Variants in RORC observed in about 807,000 individuals in gnomAD.
The protein encoded by RORC is nuclear receptor ROR-gamma.
A neutral mutation model predicts 64.5 loss-of-function variants in RORC; 13 were observed. The ratio of observed to expected loss-of-function variants is 0.20; its 90% confidence interval spans 0.13 to 0.32. The LOEUF (loss-of-function observed/expected upper bound fraction) is 0.32. Ranked by LOEUF, RORC falls within the 10% of genes least tolerant of loss-of-function variation. The pLI is 1.00. For synonymous variants in RORC, 277 were observed against 259.3 expected (o/e 1.07, Z -0.65); for missense variants, 468 against 669.5 (o/e 0.70, Z 3.32).
Position 151,807,362 on chromosome 1 carries a change from TG to T in RORC, c.*109del. ...CATCTGCTCACTTCCAAAGAGCTGG[TG>T]GGGACCACCCTCCAGGGTTCATGGG... On this transcript the variant is annotated 3_prime_UTR_variant, in exon 11 of 11. Transcript: ENST00000318247. This position sits in a 1 kb window ranked among gnomAD's most constrained non-coding sequence, Gnocchi z 5.0. The T allele has an allele frequency of 3.5e-6, 4 of 1,132,890 alleles. No individual in the cohort carries two copies. Among genetic ancestry groups the T allele is most frequent in the Non-Finnish European group, 5.0e-6 (4 of 801,920 alleles). 70.2% of individuals were successfully genotyped at this position (1,132,890 alleles called of 1,614,324 possible).
intron 1 of RORC, chr1:151,831,164 A>C: frequency 8.1e-7 from 1 of 1,239,748 alleles, no homozygotes; most frequent in Non-Finnish European, 1.0e-6. Flanking sequence ...TCCCTGGGTG[A>C]GTGGCGAGGA....
In RORC at chr1:151,829,429, A is replaced by T; in HGVS notation, c.70T>A (p.Ser24Thr). Residue 24 changes from serine to threonine, a missense_variant and splice_region_variant, in exon 2 of 11, where the codon TCA becomes ACA. Around this residue, in one of 5 missense-constraint regions of RORC, gnomAD observed 13 missense variants for 46.0 expected, o/e 0.28. Transcript: ENST00000318247. ...TTCTTGCCCCGGACCCCCTACTCAC[A>T]GGTGTGGGTCTTCTTTGCAGCCAGC... ...ELLAAKKTHT[S>T]QIEVIPCKIC... 6.5e-7 allele frequency: 1 copy of T among 1,535,296 alleles called. No individual in the cohort carries two copies. The highest frequency in any genetic ancestry group is 8.7e-7 in the Non-Finnish European group (1 of 1,149,106).
intron 2 of RORC, among the ~76,000 whole-genome samples, chr1:151,822,566 C>T (rs556428822): frequency 1.6e-4 from 24 of 152,302 alleles, no homozygotes; most frequent in Non-Finnish European, 2.9e-4. Context: ...TGGAGAAAGG[C>T]GAGTGAAAAC....
chr1:151,818,337 T>C (rs2101663886), intron 2 of RORC, among the ~76,000 whole-genome samples: 1 of 152,312 alleles, frequency 6.6e-6, no homozygotes, highest in South Asian at 2.1e-4. Flanking sequence ...CGTCCACACG[T>C]GCATATTTGT....
intron 5 of RORC, 27 bp downstream of exon 5, chr1:151,814,886 A>G (rs1651695167): frequency 1.2e-6 from 2 of 1,600,888 alleles, no homozygotes; most frequent in Admixed American, 1.7e-5. Flanking sequence ...CATCTCTACC[A>G]CCCTCTCCAC....
intron 2 of RORC, among the ~76,000 whole-genome samples, chr1:151,822,344 C>T (rs952755352): frequency 6.6e-6 from 1 of 152,184 alleles, no homozygotes; most frequent in African/African-American, 2.4e-5. Context: ...TTCTACCTGG[C>T]GAACACTACC....
In RORC at chr1:151,830,824, C is replaced by A. The variant is rs1652383325; in HGVS notation, c.40+901G>T. ...CCAGCCCCGCCCACCTCCCCTTGCT[C>A]CTGCCTGGCCCCACCCAGCTTCCTC... On this transcript the variant is annotated intron_variant, in intron 1 of 10. Coordinates refer to ENST00000318247, the MANE Select transcript of RORC (RefSeq NM_005060.4). This position sits in a 1 kb window ranked among gnomAD's most constrained non-coding sequence, Gnocchi z 4.0. 2.0e-6 allele frequency: 1 copy of A among 509,178 alleles called. No individual in the cohort carries two copies. Among genetic ancestry groups the A allele is most frequent in the Non-Finnish European group, 3.1e-6 (1 of 321,128 alleles). The allele number at this position is 509,178 out of a possible 1,614,324, so 31.5% of individuals were successfully genotyped here.
chr1:151,806,129 T>A lies in RORC; in HGVS notation c.*1343A>T, dbSNP rs1203412055. ...AAGTTGGGGTTTATGTTTACTCAGA[T>A]GAACCCGTCCCCTTAGAGGACACAA... On this transcript the variant is annotated 3_prime_UTR_variant, in exon 11 of 11. Coordinates refer to ENST00000318247, the MANE Select transcript of RORC (RefSeq NM_005060.4). 6.6e-6 allele frequency: 1 copy of A among 152,648 alleles called. No individual in the cohort carries two copies. Among genetic ancestry groups the A allele is most frequent in the East Asian group, 1.9e-4 (1 of 5,196 alleles). 9.5% of individuals were successfully genotyped at this position (152,648 alleles called of 1,614,324 possible).
intron 10 of RORC, among the ~76,000 whole-genome samples, chr1:151,808,517 G>A (rs555026246): frequency 4.6e-5 from 7 of 152,134 alleles, no homozygotes; most frequent in Non-Finnish European, 8.8e-5. Flanking sequence ...AAAGCAGGCA[G>A]CAGGGTGTGA....
intron 2 of RORC, among the ~76,000 whole-genome samples, chr1:151,827,795 G>A (rs1248411397): frequency 1.3e-5 from 2 of 152,174 alleles, no homozygotes; most frequent in Admixed American, 1.3e-4. Context: ...CTTGGGGTGG[G>A]GACACGAGGA....
intron 9 of RORC, chr1:151,812,031 G>C (rs1001186860): frequency 2.0e-5 from 3 of 152,228 alleles, no homozygotes; most frequent in African/African-American, 7.2e-5. Flanking sequence ...TGAATATTTA[G>C]TATTCATCTG....
At chr1:151,831,086 C>T in intron 1 of RORC, 1 of 1,288,972 alleles carries the variant, frequency 7.8e-7, no homozygotes, top group Non-Finnish European at 1.0e-6. Context: ...CCAAGGACGG[C>T]CTGACATTCT....
intron 5 of RORC, 76 bp from the exon 6 acceptor site, chr1:151,814,771 C>T: frequency 6.4e-7 from 1 of 1,555,530 alleles, no homozygotes; most frequent in East Asian, 2.3e-5. Context: ...ACTTCTCAGC[C>T]TGGCCTATCC....
chr1:151,808,213 T>C (rs1015403672), intron 10 of RORC, among the ~76,000 whole-genome samples: 2 of 152,220 alleles, frequency 1.3e-5, no homozygotes, highest in African/African-American at 2.4e-5. Flanking sequence ...GTACCTATCA[T>C]AATGCTTAGC....
At chr1:151,825,604 G>A (rs1294078405) in intron 2 of RORC, among the ~76,000 whole-genome samples, 1 of 152,188 alleles carries the variant, frequency 6.6e-6, no homozygotes, top group Non-Finnish European at 1.5e-5. Context: ...GATACCAGCT[G>A]TGTAACATTG....
At chr1:151,824,628 C>T (rs548524508) in intron 2 of RORC, among the ~76,000 whole-genome samples, 46 of 152,342 alleles carry the variant, frequency 3.0e-4, no homozygotes, top group African/African-American at 1.1e-3. Flanking sequence ...CTTTTCTTTC[C>T]TTGGTTTCCC....
chr1:151,818,969 C>G (rs1042598711), intron 2 of RORC, among the ~76,000 whole-genome samples: 1 of 152,144 alleles, frequency 6.6e-6, no homozygotes, highest in Non-Finnish European at 1.5e-5. Flanking sequence ...CTGACCCTGA[C>G]GGGGACAGGG....
chr1:151,824,372 C>T (rs549847819), intron 2 of RORC, among the ~76,000 whole-genome samples: 1 of 152,272 alleles, frequency 6.6e-6, no homozygotes, highest in South Asian at 2.1e-4. Flanking sequence ...ACTCCTGCCC[C>T]GCTGCTGGGC....
At chr1:151,814,301 T>G in intron 6 of RORC, 1 of 365,264 alleles carries the variant, frequency 2.7e-6, no homozygotes, top group Admixed American at 4.3e-5. Flanking sequence ...GGAAGGAGGG[T>G]GCACCAAGGT....
Sources: gnomAD v4.1 joint callset for allele counts (sites outside exome capture counted in the v4.1 genomes callset) on GRCh38, gnomAD v4.1.1 for gene constraint, gnomAD v4.1.1 regional missense constraint, Gnocchi (gnomAD v3.1) non-coding constraint, MANE v1.5 for transcripts, NCBI Gene and HGNC (gene_info 2026-07-23, HGNC 2026-07-21) for gene names.